The following PHF21B variants were observed in gnomAD, a reference collection of about 807,000 sequenced individuals.
The protein encoded by PHF21B is PHD finger protein 21B.
PHF21B carries 22 observed loss-of-function variants against 62.2 expected under a neutral mutation model. The observed-to-expected ratio is 0.35, with a 90% confidence interval of 0.25 to 0.51. PHF21B has a LOEUF of 0.51. Among genes scored for constraint, PHF21B ranks in the 20% least tolerant of loss-of-function variants. The pLI, the probability that PHF21B is intolerant of heterozygous loss-of-function variation, is 0.97. For synonymous variants in PHF21B, 341 were observed against 314.7 expected (o/e 1.08, Z -0.88); for missense variants, 701 against 707.9 (o/e 0.99, Z 0.11).
chr22:44,883,032 G>A lies in PHF21B; in HGVS notation c.*54C>T. On this transcript the variant is annotated 3_prime_UTR_variant, in exon 13 of 13. Coordinates refer to ENST00000313237, the MANE Select transcript of PHF21B (RefSeq NM_138415.5). Reference sequence around the variant, plus strand: ...TTAAGGCCGACAGAACCCCCAGGCTGTGTAAGCAGGGTCCCAATAACTTTC... The same window carrying A: ...TTAAGGCCGACAGAACCCCCAGGCTATGTAAGCAGGGTCCCAATAACTTTC... The A allele has an allele frequency of 1.3e-6, 2 of 1,531,790 alleles. No individual in the cohort carries two copies. Among genetic ancestry groups the A allele is most frequent in the Non-Finnish European group, 1.8e-6 (2 of 1,134,700 alleles). The allele number at this position is 1,531,790 out of a possible 1,614,324, so 94.9% of individuals were successfully genotyped here. A position where few individuals can be genotyped will look rare whatever the true frequency, so the allele number is the denominator to read the frequency against.
At chr22:44,931,353 C>T (rs145738699) in intron 2 of PHF21B, among the ~76,000 whole-genome samples, 1,848 of 152,096 alleles carry the variant, frequency 0.012, 15 homozygotes, top group Non-Finnish European at 0.018. Flanking sequence ...GCAGGCGGCT[C>T]CCACCCGGCT....
Position 44,895,964 on chromosome 22 carries a change from T to C in PHF21B, c.883+68A>G, listed in dbSNP as rs536153572. Reference sequence around the variant, plus strand: ...AGCCCAGACCACCCATCATCACACCTGGCCCCCAACACCCCGGCTTTCGGG... The same window carrying C: ...AGCCCAGACCACCCATCATCACACCCGGCCCCCAACACCCCGGCTTTCGGG... On this transcript the variant is annotated intron_variant, in intron 6 of 12. Coordinates refer to ENST00000313237, the MANE Select transcript of PHF21B (RefSeq NM_138415.5). The C allele has an allele frequency of 8.0e-5, 126 of 1,565,474 alleles. 2 individuals are homozygous for C. The South Asian group carries it at 1.3e-3, about 16-fold the overall frequency.
At chr22:44,967,553 C>G (rs1430726305) in intron 2 of PHF21B, among the ~76,000 whole-genome samples, 3 of 152,126 alleles carry the variant, frequency 2.0e-5, no homozygotes, top group Non-Finnish European at 4.4e-5. Context: ...AAATTTTATT[C>G]CAGAATAGTT....
intron 2 of PHF21B, among the ~76,000 whole-genome samples, chr22:44,977,143 G>A (rs556635730): frequency 2.0e-5 from 3 of 152,122 alleles, no homozygotes; most frequent in Non-Finnish European, 2.9e-5. Context: ...AGAAAAAAAC[G>A]AAGAAAGGAA....
chr22:44,913,652 C>G (rs539058552), intron 5 of PHF21B, among the ~76,000 whole-genome samples, 170 bp downstream of exon 5: 2 of 152,326 alleles, frequency 1.3e-5, no homozygotes, highest in Admixed American at 6.5e-5. Flanking sequence ...ACAGTTGAGA[C>G]CTGGGCTTGC....
intron 2 of PHF21B, among the ~76,000 whole-genome samples, chr22:44,935,374 C>T (rs764410412): frequency 2.0e-5 from 3 of 151,844 alleles, no homozygotes; most frequent in Admixed American, 1.3e-4. Context: ...CAGCACTTTG[C>T]GAGGCTGAGA....
chr22:44,895,339 T>C (rs1161686443), intron 6 of PHF21B, among the ~76,000 whole-genome samples: 1 of 152,164 alleles, frequency 6.6e-6, no homozygotes, highest in Non-Finnish European at 1.5e-5. Context: ...GCCCTCATCA[T>C]TCTACGATGA....
chr22:44,900,783 CTTTTTT>C (rs34015375), intron 5 of PHF21B, among the ~76,000 whole-genome samples: 1 of 128,384 alleles, frequency 7.8e-6, no homozygotes, highest in Non-Finnish European at 1.7e-5. Flanking sequence ...TAAAGTGACT[CTTTTTT>C]TTTTTTTTTT....
rs764524799 is a variant in PHF21B at position 44,884,018 on chromosome 22, C to T, written c.1378-714G>A. 9.2e-3 allele frequency among the ~76,000 whole-genome samples: 1,321 copies of T among 143,718 alleles called. 4 individuals carry two copies. The highest frequency in any genetic ancestry group is 0.03 in the Middle Eastern group (8 of 270). The allele number at this position is 143,718 out of a possible 152,430, so 94.3% of individuals were successfully genotyped here. On this transcript the variant is annotated intron_variant, in intron 12 of 12. Coordinates refer to ENST00000313237, the MANE Select transcript of PHF21B (RefSeq NM_138415.5). Reference sequence around the variant, plus strand: ...CCACCATGATCACCATTATCACCACCGCCACCACCATCACTGTGATCAGCA... The same window carrying T: ...CCACCATGATCACCATTATCACCACTGCCACCACCATCACTGTGATCAGCA...
chr22:44,927,017 C>A (rs1387563175), intron 2 of PHF21B, among the ~76,000 whole-genome samples: 1 of 152,074 alleles, frequency 6.6e-6, no homozygotes, highest in Non-Finnish European at 1.5e-5. Flanking sequence ...GACGCTCCCT[C>A]CTGACTTGGG....
In PHF21B at chr22:44,930,382, G is replaced by C. The variant is rs145650707; in HGVS notation, c.121-9892C>G. ...CCATTTGGGTGGAGAACATGTGGAG[G>C]CTTACTATAGGGCCCTTTGTATATT... On this transcript the variant is annotated intron_variant, in intron 2 of 12. Transcript: ENST00000313237. 5.3e-4 allele frequency among the ~76,000 whole-genome samples: 80 copies of C among 152,336 alleles called. 1 individual carries two copies. The highest frequency in any genetic ancestry group is 1.9e-3 in the African/African-American group (78 of 41,560).
At chr22:44,970,975 A>G (rs183987128) in intron 2 of PHF21B, 70 of 152,058 alleles carry the variant, frequency 4.6e-4, no homozygotes, top group African/African-American at 1.6e-3. Context: ...TCAGCTTAGC[A>G]CTCCGTCAGC....
intron 12 of PHF21B, among the ~76,000 whole-genome samples, chr22:44,884,137 TCACCAC>T (rs149966862): frequency 8.7e-6 from 1 of 114,702 alleles, no homozygotes; most frequent in Non-Finnish European, 1.7e-5. Context: ...ATCACCATTA[TCACCAC>T]CACCACCATC....
chr22:45,007,090 G>A (rs1021847434), intron 2 of PHF21B, among the ~76,000 whole-genome samples: 1 of 151,656 alleles, frequency 6.6e-6, no homozygotes, highest in Admixed American at 6.6e-5. Context: ...GGACGGGGGC[G>A]CGCGGCCGGG....
chr22:44,920,409 C>A lies in PHF21B; in HGVS notation c.202G>T (p.Val68Leu). 1 of 1,610,890 alleles carries A rather than the reference C, an allele frequency of 6.2e-7. No homozygotes were observed. The highest frequency in any genetic ancestry group is 1.7e-5 in the Admixed American group (1 of 59,852). The stretch of plus-strand genomic sequence containing the variant: ...CGAGGGCTGCTTACCTGAGGTAGCA[C>A]TGCCGCTCCTTGCCCGGCCAACCTC... ...LQRLAGQGAAVLPQVRPKTLI... is the reference protein window; with the variant it reads ...LQRLAGQGAALLPQVRPKTLI... Residue 68 changes from valine to leucine, a missense_variant, in exon 3 of 13, where the codon GTG becomes TTG. Coordinates refer to ENST00000313237, the MANE Select transcript of PHF21B (RefSeq NM_138415.5).
intron 2 of PHF21B, among the ~76,000 whole-genome samples, chr22:44,979,590 G>A (rs1487157776): frequency 6.6e-6 from 1 of 152,176 alleles, no homozygotes; most frequent in Non-Finnish European, 1.5e-5. Context: ...CAGCGCCGTG[G>A]CAGCTGTGCC....
chr22:44,981,474 C>T (rs767990537), intron 2 of PHF21B, among the ~76,000 whole-genome samples: 3 of 152,230 alleles, frequency 2.0e-5, no homozygotes, highest in African/African-American at 4.8e-5. Flanking sequence ...CAGCACCTCA[C>T]CCAAGGCCTG....
intron 2 of PHF21B, among the ~76,000 whole-genome samples, chr22:44,998,686 G>A (rs1243935812): frequency 1.3e-5 from 2 of 152,210 alleles, no homozygotes; most frequent in African/African-American, 4.8e-5. Flanking sequence ...AGTAGTTTCT[G>A]TATCAACAAA....
At chr22:44,936,872 T>TC (rs1276925168) in intron 2 of PHF21B, among the ~76,000 whole-genome samples, 1 of 146,482 alleles carries the variant, frequency 6.8e-6, no homozygotes, top group Non-Finnish European at 1.5e-5. Flanking sequence ...CTTTCTTTCT[T>TC]TTTTTTTTTT....
Sources: gnomAD v4.1 joint callset for allele counts (sites outside exome capture counted in the v4.1 genomes callset) on GRCh38, gnomAD v4.1.1 for gene constraint, MANE v1.5 for transcripts, NCBI Gene and HGNC (gene_info 2026-07-23, HGNC 2026-07-21) for gene names.